The following GLIPR2 variants were observed in gnomAD, a reference collection of about 807,000 sequenced individuals.
GLIPR2 encodes the protein GLI pathogenesis related 2.
In GLIPR2, 21 loss-of-function variants were observed where a neutral mutation model predicts 20.4. That is an observed-to-expected ratio of 1.03 (90% confidence interval 0.73 to 1.48). The LOEUF (loss-of-function observed/expected upper bound fraction) is 1.48. Ranked by LOEUF, GLIPR2 falls within the 40% of genes most tolerant of loss-of-function variation. GLIPR2 has a pLI of 0.00. For synonymous variants in GLIPR2, 91 were observed against 80.5 expected, an observed-to-expected ratio of 1.13 and a Z score of -0.70; for missense variants, 205 against 200.1, an observed-to-expected ratio of 1.02 and a Z score of -0.15.
In GLIPR2 at chr9:36,148,173, G is replaced by A. The variant is rs376124105; in HGVS notation, c.122+279G>A. 5.9e-5 allele frequency among the ~76,000 whole-genome samples: 9 copies of A among 152,078 alleles called. No individual in the cohort carries two copies. In the South Asian group the frequency reaches 1.0e-3, roughly 18 times the overall value. On this transcript the variant is annotated intron_variant, in intron 2 of 4. Coordinates refer to ENST00000377960, the MANE Select transcript of GLIPR2 (RefSeq NM_022343.4). ...TGAGGCAGGAGAATTGCTTGAACCC[G>A]GGAGGTGGAGGTTGCAGTGAACCAA...
chr9:36,141,757 GATCCTCCC>G (rs1825094939), intron 1 of GLIPR2: 1 of 446,940 alleles, frequency 2.2e-6, no homozygotes, highest in Non-Finnish European at 4.5e-6. Context: ...GGGCTCAAGC[GATCCTCCC>G]ATCTCAGTCT....
At position 36,159,064 on chromosome 9, in the gene GLIPR2, C is replaced by CA. The variant is rs553862025; in HGVS notation, c.305-3288dup. Among the ~76,000 whole-genome samples, 918 of 146,528 alleles carry CA rather than the reference C, an allele frequency of 6.3e-3. 6 individuals carry two copies. Among genetic ancestry groups the CA allele is most frequent in the African/African-American group, 0.014 (575 of 39,854 alleles). ...TAGACAACAGAGAGAGACTCTGTCT[C>CA]AAAAAAAAAAGAATTTATGATCGTT... On this transcript the variant is annotated intron_variant, in intron 4 of 4. Coordinates refer to ENST00000377960, the MANE Select transcript of GLIPR2 (RefSeq NM_022343.4).
At chr9:36,150,208 G>A (rs1260813028) in intron 3 of GLIPR2, among the ~76,000 whole-genome samples, 2 of 152,172 alleles carry the variant, frequency 1.3e-5, no homozygotes, top group South Asian at 2.1e-4. Flanking sequence ...CAGAATCCTA[G>A]GTCCCTCTGT....
At chr9:36,140,777 C>T (rs1289882380) in intron 1 of GLIPR2, among the ~76,000 whole-genome samples, 1 of 152,180 alleles carries the variant, frequency 6.6e-6, no homozygotes, top group African/African-American at 2.4e-5. Flanking sequence ...ACACCCGGCT[C>T]TAATGTGGGC....
At chr9:36,138,750 G>A (rs560562759) in intron 1 of GLIPR2, among the ~76,000 whole-genome samples, 92 of 152,294 alleles carry the variant, frequency 6.0e-4, no homozygotes, top group Non-Finnish European at 1.2e-3. Context: ...TATCTGGCTC[G>A]AGTAAGAGGT....
chr9:36,154,519 C>T (rs1269659212), intron 4 of GLIPR2, among the ~76,000 whole-genome samples: 4 of 152,070 alleles, frequency 2.6e-5, no homozygotes, highest in Non-Finnish European at 4.4e-5. Context: ...TATTCCCTTG[C>T]GAGGATATAC....
intron 1 of GLIPR2, among the ~76,000 whole-genome samples, chr9:36,137,820 G>A (rs1245543357): frequency 6.6e-6 from 1 of 152,248 alleles, no homozygotes; most frequent in Non-Finnish European, 1.5e-5. Context: ...GTAAGGCTAG[G>A]TCCCTTCTAG....
chr9:36,154,098 T>TC (rs1473344895), intron 4 of GLIPR2, among the ~76,000 whole-genome samples: 19 of 109,524 alleles, frequency 1.7e-4, no homozygotes, highest in African/African-American at 5.9e-4. Flanking sequence ...TATATATATC[T>TC]TTTCCCCCCC....
chr9:36,140,085 C>T (rs1825007029), intron 1 of GLIPR2, among the ~76,000 whole-genome samples: 1 of 152,168 alleles, frequency 6.6e-6, no homozygotes, highest in Admixed American at 6.5e-5. Context: ...GGTAAGCAAG[C>T]CAGTGAATTT....
At chr9:36,137,575 T>A (rs144912681) in intron 1 of GLIPR2, among the ~76,000 whole-genome samples, 1,553 of 152,270 alleles carry the variant, frequency 0.01, 26 homozygotes, top group African/African-American at 0.035. Context: ...AGCCCATCTG[T>A]GATTCCCCCC....
rs576172145 is a variant in GLIPR2 at position 36,152,519 on chromosome 9, G to A, written c.304+1570G>A. Among the ~76,000 whole-genome samples, 8 of 152,168 alleles carry A rather than the reference G, an allele frequency of 5.3e-5. No homozygotes were observed. In the East Asian group the frequency reaches 1.2e-3, roughly 22 times the overall value. On this transcript the variant is annotated intron_variant, in intron 4 of 4. Transcript: ENST00000377960. ...AATCCTAGCACTTTGGGAGGCCGAG[G>A]TGGGTGGATCACCTGAGGTCAGGAG...
intron 4 of GLIPR2, among the ~76,000 whole-genome samples, chr9:36,161,983 G>A (rs553560041): frequency 2.6e-5 from 4 of 152,280 alleles, no homozygotes; most frequent in South Asian, 4.1e-4. Flanking sequence ...TCAGGAGTTC[G>A]AGACCATGGT....
chr9:36,140,757 G>A (rs1282572603), intron 1 of GLIPR2, among the ~76,000 whole-genome samples: 1 of 152,130 alleles, frequency 6.6e-6, no homozygotes, highest in East Asian at 1.9e-4. Flanking sequence ...GTAAAGGGAG[G>A]GGCATTCTTA....
At chr9:36,150,623 T>G (rs1369584287) in intron 3 of GLIPR2, among the ~76,000 whole-genome samples, 3 of 152,098 alleles carry the variant, frequency 2.0e-5, no homozygotes, top group Non-Finnish European at 4.4e-5. Flanking sequence ...GGGGGATAGG[T>G]GCAGATTCCC....
intron 1 of GLIPR2, among the ~76,000 whole-genome samples, chr9:36,142,879 C>T (rs1487704878): frequency 6.6e-6 from 1 of 151,890 alleles, no homozygotes; most frequent in Non-Finnish European, 1.5e-5. Flanking sequence ...TGGGGCTGCC[C>T]AAGGTGTGGT....
intron 1 of GLIPR2, among the ~76,000 whole-genome samples, chr9:36,147,473 T>C (rs929543491): frequency 6.6e-6 from 1 of 152,256 alleles, no homozygotes; most frequent in African/African-American, 2.4e-5. Flanking sequence ...GAGAAACACA[T>C]GGAGCTCACT....
chr9:36,146,838 T>C (rs1825348407), intron 1 of GLIPR2, among the ~76,000 whole-genome samples: 1 of 152,140 alleles, frequency 6.6e-6, no homozygotes, highest in African/African-American at 2.4e-5. Flanking sequence ...GCTTCAGCTC[T>C]CGGGTGGAAG....
intron 1 of GLIPR2, among the ~76,000 whole-genome samples, chr9:36,141,278 G>A (rs1244065475): frequency 6.6e-6 from 1 of 152,192 alleles, no homozygotes; most frequent in Non-Finnish European, 1.5e-5. Context: ...AAGGCAGTGC[G>A]GGGATTTGGC....
chr9:36,148,002 C>T (rs778004340), intron 2 of GLIPR2, 108 bp downstream of exon 2: 4 of 736,088 alleles, frequency 5.4e-6, no homozygotes, highest in Admixed American at 3.5e-5. Flanking sequence ...AATTTCAGCA[C>T]TTTCAGAGGC....
Sources: gnomAD v4.1 joint callset for allele counts (sites outside exome capture counted in the v4.1 genomes callset) on GRCh38, gnomAD v4.1.1 for gene constraint, MANE v1.5 for transcripts, NCBI Gene and HGNC (gene_info 2026-07-23, HGNC 2026-07-21) for gene names.